Variants in ENOX1 observed in about 807,000 individuals in gnomAD.
The protein encoded by ENOX1 is candidate growth-related and time keeping constitutive hydroquinone (NADH) oxidase.
Under a neutral mutation model 82.5 loss-of-function variants are expected in ENOX1, and 42 were observed. The ratio of observed to expected loss-of-function variants is 0.51; its 90% CI spans 0.40 to 0.66. ENOX1 has a LOEUF of 0.66. Among genes scored for constraint, ENOX1 ranks in the 30% least tolerant of loss-of-function variants. The pLI is 0.00. For synonymous variants in ENOX1, 271 were observed against 282.2 expected (o/e 0.96, Z 0.40); for missense variants, 608 against 811.6 (o/e 0.75, Z 3.05).
At chr13:43,216,052 C>T (rs909188672) in intron 16 of ENOX1, among the ~76,000 whole-genome samples, 88 of 152,154 alleles carry the variant, frequency 5.8e-4, no homozygotes, top group African/African-American at 1.8e-3. Flanking sequence ...AAAAATTAGC[C>T]GGGTGTGGTG....
chr13:43,656,055 T>A (rs530987579), intron 2 of ENOX1, among the ~76,000 whole-genome samples: 1 of 152,316 alleles, frequency 6.6e-6, no homozygotes, highest in Admixed American at 6.5e-5. Flanking sequence ...AAGAAACCTC[T>A]CAAAAATTTA....
chr13:43,684,327 T>C (rs968291645), intron 1 of ENOX1, among the ~76,000 whole-genome samples: 3 of 152,176 alleles, frequency 2.0e-5, no homozygotes, highest in East Asian at 3.9e-4. Context: ...ATCTCAATTA[T>C]TGAGGAAACA....
chr13:43,565,731 A>G (rs2079888769), intron 2 of ENOX1, among the ~76,000 whole-genome samples: 1 of 152,202 alleles, frequency 6.6e-6, no homozygotes, highest in Admixed American at 6.5e-5. Flanking sequence ...GGACAAAATC[A>G]GGAACAGCAG....
intron 3 of ENOX1, among the ~76,000 whole-genome samples, chr13:43,452,251 C>T (rs563395644): frequency 8.5e-5 from 13 of 152,112 alleles, no homozygotes; most frequent in Non-Finnish European, 1.9e-4. Context: ...AGGTATTTCT[C>T]CTAATGCTAT....
chr13:43,617,889 GGTT>G (rs1323425284), intron 2 of ENOX1, among the ~76,000 whole-genome samples: 1 of 37,436 alleles, frequency 2.7e-5, no homozygotes, highest in Admixed American at 3.9e-4. Flanking sequence ...AACATCTACT[GGTT>G]TGTTGTTGTT....
chr13:43,388,779 C>A (rs995930805), intron 5 of ENOX1, among the ~76,000 whole-genome samples: 1 of 152,100 alleles, frequency 6.6e-6, no homozygotes. Context: ...CTTGGAGGAG[C>A]TGGTAAAATT....
chr13:43,429,596 G>A lies in ENOX1; in HGVS notation c.-74-16608C>T, dbSNP rs1594550625. On this transcript the variant is annotated intron_variant, in intron 3 of 16. Transcript: ENST00000690772. ...AAATGGGGAAAGACTTGTGTAATGTGAAATTCAATGACCAGCAATGGCAGG... is the reference window on the plus strand; with the variant it reads ...AAATGGGGAAAGACTTGTGTAATGTAAAATTCAATGACCAGCAATGGCAGG... 3.9e-5 allele frequency among the ~76,000 whole-genome samples: 6 copies of A among 152,288 alleles called. No homozygotes were observed. In the South Asian group the frequency reaches 1.0e-3, roughly 26 times the overall value.
At chr13:43,736,614 C>T (rs755843901) in intron 1 of ENOX1, among the ~76,000 whole-genome samples, 16 of 152,014 alleles carry the variant, frequency 1.1e-4, no homozygotes, top group Non-Finnish European at 2.2e-4. Context: ...TACTTTATCC[C>T]GCTTGTCTCC....
rs376973435 is a variant in ENOX1, at chr13:43,267,142, C to T, written c.1555-1688G>A. Reference sequence around the variant, plus strand: ...GCTGCAGCCCACCCCTCTCCTTCCTCGAGCTGCAGCTCCAGGACAGCTGCT... The same window carrying T: ...GCTGCAGCCCACCCCTCTCCTTCCTTGAGCTGCAGCTCCAGGACAGCTGCT... On this transcript the variant is annotated intron_variant, in intron 13 of 16. Coordinates refer to ENST00000690772, the MANE Select transcript of ENOX1 (RefSeq NM_001347969.2). Among the ~76,000 whole-genome samples the T allele has an allele frequency of 1.4e-4, 21 of 152,288 alleles. No homozygotes were observed. The South Asian group carries it at 3.3e-3, about 24-fold the overall frequency.
chr13:43,395,943 CAGAT>C (rs1174345994), intron 5 of ENOX1, among the ~76,000 whole-genome samples: 2 of 152,134 alleles, frequency 1.3e-5, no homozygotes, highest in East Asian at 1.9e-4. Flanking sequence ...ATTCAGAAAT[CAGAT>C]AGAGCCATGA....
At chr13:43,427,965 G>A (rs2055422701) in intron 3 of ENOX1, among the ~76,000 whole-genome samples, 1 of 152,194 alleles carries the variant, frequency 6.6e-6, no homozygotes, top group Admixed American at 6.5e-5. Flanking sequence ...GTAGTAAGTT[G>A]CTTGGAGGGA....
chr13:43,778,719 CTTCTT>C (rs1415162428), intron 1 of ENOX1, among the ~76,000 whole-genome samples: 1 of 152,020 alleles, frequency 6.6e-6, no homozygotes, highest in Non-Finnish European at 1.5e-5. Flanking sequence ...TTTATCTTTC[CTTCTT>C]TTATTTATGC....
rs1179073192 is a variant in ENOX1 at position 43,652,138 on chromosome 13, A to C, written c.-219+15341T>G. ...GAAAATGATGCCTCTTCAGGTCTAT[A>C]CCTTAGCACCATTTGACTATCTACA... On this transcript the variant is annotated intron_variant, in intron 2 of 16. Transcript: ENST00000690772. 3.9e-5 allele frequency among the ~76,000 whole-genome samples: 6 copies of C among 152,130 alleles called. No homozygotes were observed. The East Asian group carries it at 1.2e-3, about 29-fold the overall frequency.
chr13:43,580,765 G>T (rs2080681761), intron 2 of ENOX1, among the ~76,000 whole-genome samples: 1 of 152,146 alleles, frequency 6.6e-6, no homozygotes, highest in Non-Finnish European at 1.5e-5. Context: ...TATAGGTAAG[G>T]TTACAGCCTC....
intron 1 of ENOX1, among the ~76,000 whole-genome samples, chr13:43,715,480 G>A (rs557874457): frequency 1.2e-4 from 18 of 152,086 alleles, no homozygotes; most frequent in African/African-American, 2.7e-4. Context: ...TCTTTGTGGC[G>A]TTCTCTGTAT....
intron 2 of ENOX1, among the ~76,000 whole-genome samples, chr13:43,585,726 T>C (rs2080947473): frequency 6.6e-6 from 1 of 152,150 alleles, no homozygotes; most frequent in African/African-American, 2.4e-5. Flanking sequence ...TACAGGCTCC[T>C]GCCACCACGC....
chr13:43,396,694 C>A (rs1387975856), intron 5 of ENOX1, among the ~76,000 whole-genome samples: 1 of 152,168 alleles, frequency 6.6e-6, no homozygotes, highest in Admixed American at 6.5e-5. Context: ...ATTACCTTAA[C>A]CACAGGAGAT....
At chr13:43,228,196 C>T (rs2042113707) in intron 15 of ENOX1, among the ~76,000 whole-genome samples, 1 of 141,710 alleles carries the variant, frequency 7.1e-6, no homozygotes, top group Non-Finnish European at 1.5e-5. Context: ...ATGCCACAAA[C>T]CTGGAATATG....
rs1371470877 is a variant in ENOX1 at position 43,344,832 on chromosome 13, C to T, written c.824-82G>A. On this transcript the variant is annotated intron_variant, in intron 8 of 16. Transcript: ENST00000690772. ...TTCTTGTTCCTCTCAAAAGACAGAG[C>T]ATAGTCCAACCTAGTGGATATATTT... 5 of 1,386,932 alleles carry T rather than the reference C, an allele frequency of 3.6e-6. No individual in the cohort carries two copies. The Admixed American group carries it at 7.3e-5, about 20-fold the overall frequency. 85.9% of individuals were successfully genotyped at this position (1,386,932 alleles called of 1,614,324 possible). A position where few individuals can be genotyped will look rare whatever the true frequency, so the allele number is the denominator to read the frequency against.
Sources: gnomAD v4.1 joint callset for allele counts (sites outside exome capture counted in the v4.1 genomes callset) on GRCh38, gnomAD v4.1.1 for gene constraint, MANE v1.5 for transcripts, NCBI Gene and HGNC (gene_info 2026-07-23, HGNC 2026-07-21) for gene names.